Variants in CAMKV observed in about 807,000 individuals in gnomAD.
The protein encoded by CAMKV is CaM kinase like vesicle associated, also known as caM kinase-like vesicle-associated protein.
A neutral mutation model predicts 50.2 loss-of-function variants in CAMKV; 5 were observed. The observed-to-expected ratio is 0.10, with a 90% CI of 0.05 to 0.21. The LOEUF (loss-of-function observed/expected upper bound fraction) is 0.21. Ranked by LOEUF, CAMKV falls within the 10% of genes least tolerant of loss-of-function variation. The pLI, the probability that CAMKV is intolerant of heterozygous loss-of-function variation, is 1.00. For synonymous variants in CAMKV, 229 were observed against 250.1 expected (o/e 0.92, Z 0.80); for missense variants, 361 against 650.5 (o/e 0.55, Z 4.84).
In CAMKV at chr3:49,861,339, C is replaced by T. The variant is rs767311699; in HGVS notation, c.442-39G>A. On this transcript the variant is annotated intron_variant, in intron 5 of 10. Coordinates refer to ENST00000477224, the MANE Select transcript of CAMKV (RefSeq NM_024046.5). This position sits in a 1 kb window ranked among gnomAD's most constrained non-coding sequence, Gnocchi z 7.7. ...ATAGCATGTGGGTGAGCAGAAGACA[C>T]CATGAGGACCTTGGAGGCTAGACCA... 6 of 1,613,756 alleles carry T rather than the reference C, an allele frequency of 3.7e-6. No homozygotes were observed. In the African/African-American group the frequency reaches 4.0e-5, roughly 11 times the overall value.
rs779331047 is a variant in CAMKV at position 49,860,678 on chromosome 3, C to CTTGCG, written c.775+33_775+37dup. ...GAGAGCAGGACACCCTCCCCACTCC[C>CTTGCG]TTGCGTTCTACCAAGTGCTGGGCAG... On this transcript the variant is annotated intron_variant, in intron 8 of 10. Coordinates refer to ENST00000477224, the MANE Select transcript of CAMKV (RefSeq NM_024046.5). This position sits in a 1 kb window ranked among gnomAD's most constrained non-coding sequence, Gnocchi z 6.1. 13 of 1,613,348 alleles carry CTTGCG rather than the reference C, an allele frequency of 8.1e-6. No individual in the cohort carries two copies. The highest frequency in any genetic ancestry group is 2.7e-5 in the African/African-American group (2 of 74,906).
At position 49,869,010 on chromosome 3, in the gene CAMKV, G is replaced by T. The variant is rs895009180; in HGVS notation, c.-15+748C>A. Among the ~76,000 whole-genome samples, 1 of 152,212 alleles carries T rather than the reference G, an allele frequency of 6.6e-6. No homozygotes were observed. Among genetic ancestry groups the T allele is most frequent in the Non-Finnish European group, 1.5e-5 (1 of 68,034 alleles). ...GCTGGGGAAGGCAGAAGCTCATGCT[G>T]TCACTATCCCAGCCACCTCCAGCCA... On this transcript the variant is annotated intron_variant, in intron 1 of 10. Coordinates refer to ENST00000477224, the MANE Select transcript of CAMKV (RefSeq NM_024046.5). The surrounding 1 kb of genome is among the most constrained non-coding windows in gnomAD (Gnocchi z 5.2).
At position 49,862,070 on chromosome 3, in the gene CAMKV, T is replaced by C. The variant is rs1305797638; in HGVS notation, c.202A>G (p.Lys68Glu). ...ATCTTGAGGATGCCTATCTCGTTCTTGGCAGCTTTCCGCACCTTGCGGCCG... is the reference window on the plus strand; with the variant it reads ...ATCTTGAGGATGCCTATCTCGTTCTCGGCAGCTTTCCGCACCTTGCGGCCG... ...RDGRKVRKAA[K>E]NEIGILKMVK... The change falls in exon 3 of 11, where the codon AAG (lysine) becomes GAG (glutamate). Residue 68 changes from lysine (K) to glutamate (E), a missense_variant. Lys to Glu is a moderately conservative substitution (Grantham distance 56). This residue lies in a region of CAMKV where 172 missense variants were observed against 414.3 expected (regional missense o/e 0.42). Coordinates refer to ENST00000477224, the MANE Select transcript of CAMKV (RefSeq NM_024046.5). The surrounding 1 kb of genome is among the most constrained non-coding windows in gnomAD (Gnocchi z 5.2). 3 of 1,614,206 alleles carry C rather than the reference T, an allele frequency of 1.9e-6. No individual in the cohort carries two copies. The highest frequency in any genetic ancestry group is 2.2e-5 in the East Asian group (1 of 44,878).
At position 49,859,410 on chromosome 3, in the gene CAMKV, G is replaced by A. The variant is rs1429463958; in HGVS notation, c.1414C>T (p.Pro472Ser). The change falls in exon 11 of 11, where the codon CCA becomes TCA. Residue 472 changes from proline (P) to serine (S), a missense_variant. Around this residue, in one of 4 missense-constraint regions of CAMKV, gnomAD observed 75 missense variants for 84.2 expected, o/e 0.89. Coordinates refer to ENST00000477224, the MANE Select transcript of CAMKV (RefSeq NM_024046.5). The surrounding 1 kb of genome is among the most constrained non-coding windows in gnomAD (Gnocchi z 5.5). Reference sequence around the variant, plus strand: ...GGAGCCTGGCCTGTGGCGCCCTCTGGGGCTGTGCTGTCCGGCTGGGCCATA... The same window carrying A: ...GGAGCCTGGCCTGTGGCGCCCTCTGAGGCTGTGCTGTCCGGCTGGGCCATA... The part of the protein sequence containing the change: ...PAMAQPDSTA[P>S]EGATGQAPPS... 1.9e-6 allele frequency: 3 copies of A among 1,609,288 alleles called. No individual in the cohort carries two copies. Among genetic ancestry groups the A allele is most frequent in the Non-Finnish European group, 1.7e-6 (2 of 1,176,898 alleles).
rs1232153751 is a variant in CAMKV, at chr3:49,869,636, G to C, written c.-15+122C>G. The C allele has an allele frequency of 2.0e-5, 3 of 152,210 alleles. No homozygotes were observed. Among genetic ancestry groups the C allele is most frequent in the Non-Finnish European group, 4.4e-5 (3 of 68,146 alleles). The allele number at this position is 152,210 out of a possible 1,614,324, so 9.4% of individuals were successfully genotyped here. A position where few individuals can be genotyped will look rare whatever the true frequency, so the allele number is the denominator to read the frequency against. On this transcript the variant is annotated intron_variant, in intron 1 of 10. Coordinates refer to ENST00000477224, the MANE Select transcript of CAMKV (RefSeq NM_024046.5). This position sits in a 1 kb window ranked among gnomAD's most constrained non-coding sequence, Gnocchi z 5.2. Reference sequence around the variant, plus strand: ...AGCCCGCGCGCTCTGACCCCGCCAGGACCTCGAGCCCTCGCTGCGCCCCCG... The same window carrying C: ...AGCCCGCGCGCTCTGACCCCGCCAGCACCTCGAGCCCTCGCTGCGCCCCCG...
rs930178966 is a variant in CAMKV at position 49,869,374 on chromosome 3, T to C, written c.-15+384A>G. ...AACTCTCCGTTGTCATGGAAATTAG[T>C]GACTGCTAAGCGGGAGGGAAGGGGC... On this transcript the variant is annotated intron_variant, in intron 1 of 10. Coordinates refer to ENST00000477224, the MANE Select transcript of CAMKV (RefSeq NM_024046.5). The surrounding 1 kb of genome is among the most constrained non-coding windows in gnomAD (Gnocchi z 5.2). Among the ~76,000 whole-genome samples the C allele has an allele frequency of 1.3e-5, 2 of 151,888 alleles. No individual in the cohort carries two copies. Among genetic ancestry groups the C allele is most frequent in the African/African-American group, 4.8e-5 (2 of 41,350 alleles).
intron 1 of CAMKV, among the ~76,000 whole-genome samples, chr3:49,868,676 T>C (rs1003341242): frequency 1.3e-5 from 2 of 152,062 alleles, no homozygotes; most frequent in Non-Finnish European, 2.9e-5. Flanking sequence ...AGTTCCCCAG[T>C]TGAGGAAACT....
Position 49,859,436 on chromosome 3 carries a change from G to A in CAMKV, c.1388C>T (p.Ala463Val). 8 of 1,613,322 alleles carry A rather than the reference G, an allele frequency of 5.0e-6. No homozygotes were observed. The highest frequency in any genetic ancestry group is 6.8e-6 in the Non-Finnish European group (8 of 1,179,428). ...GGCTGTGCTGTCCGGCTGGGCCATA[G>A]CCGGCTCAGGGGTGGCAGCTGCCTT... ...ATKAAATPEP[A>V]MAQPDSTAPE... The change falls in exon 11 of 11, where the codon GCT (alanine) becomes GTT (valine). Residue 463 changes from alanine to valine, a missense_variant. Around this residue, in one of 4 missense-constraint regions of CAMKV, gnomAD observed 75 missense variants for 84.2 expected, o/e 0.89. Coordinates refer to ENST00000477224, the MANE Select transcript of CAMKV (RefSeq NM_024046.5). This position sits in a 1 kb window ranked among gnomAD's most constrained non-coding sequence, Gnocchi z 5.5.
rs200718388 is a variant in CAMKV, at chr3:49,862,100, G to A, written c.172C>T (p.Arg58Trp). The A allele has an allele frequency of 1.2e-6, 2 of 1,614,002 alleles. No individual in the cohort carries two copies. The highest frequency in any genetic ancestry group is 1.7e-5 in the Admixed American group (1 of 60,002). Residue 58 changes from arginine to tryptophan, a missense_variant, in exon 3 of 11, where the codon CGG (arginine) becomes TGG (tryptophan). By Grantham distance (101) the Arg-to-Trp change is moderately radical (BLOSUM62 -3). Around this residue, in one of 4 missense-constraint regions of CAMKV, gnomAD observed 172 missense variants for 414.3 expected, o/e 0.42. Coordinates refer to ENST00000477224, the MANE Select transcript of CAMKV (RefSeq NM_024046.5). This position sits in a 1 kb window ranked among gnomAD's most constrained non-coding sequence, Gnocchi z 5.2. The part of the protein sequence containing the change: ...KLHTCKKFQK[R>W]DGRKVRKAAK... ...GCTTTCCGCACCTTGCGGCCGTCCC[G>A]CTTCTGGAACTTCTTGCAGGTGTGC... is the stretch of plus-strand genomic sequence containing the variant.
chr3:49,858,095 A>G lies in CAMKV; in HGVS notation c.*1223T>C. On this transcript the variant is annotated 3_prime_UTR_variant, in exon 11 of 11. Coordinates refer to ENST00000477224, the MANE Select transcript of CAMKV (RefSeq NM_024046.5). ...ACAGGCATGCAGGGAGAAGGGCAGG[A>G]CCACCACGGAGTGCCGAGCAAGGGC... 1 of 396,098 alleles carries G rather than the reference A, an allele frequency of 2.5e-6. No homozygotes were observed. Among genetic ancestry groups the G allele is most frequent in the Non-Finnish European group, 4.4e-6 (1 of 224,890 alleles). The allele number at this position is 396,098 out of a possible 1,614,324, so 24.5% of individuals were successfully genotyped here.
chr3:49,860,620 G>A lies in CAMKV; in HGVS notation c.776-71C>T. The A allele has an allele frequency of 6.2e-7, 1 of 1,610,322 alleles. No individual in the cohort carries two copies. Among genetic ancestry groups the A allele is most frequent in the Non-Finnish European group, 8.5e-7 (1 of 1,176,804 alleles). ...AATGTCTAGAGGTGATAAATGGGCT[G>A]GGGGACAGAAGCAGAATACCACAGA... On this transcript the variant is annotated intron_variant, in intron 8 of 10. Coordinates refer to ENST00000477224, the MANE Select transcript of CAMKV (RefSeq NM_024046.5). This position sits in a 1 kb window ranked among gnomAD's most constrained non-coding sequence, Gnocchi z 6.1.
rs921509510 is a variant in CAMKV, at chr3:49,858,986, G to A, written c.*332C>T. Reference sequence around the variant, plus strand: ...GCCTAGGGGAATGGTGAGGCAAGAAGGGAAGGGGAAGGAGAGCAGGAGCCC... The same window carrying A: ...GCCTAGGGGAATGGTGAGGCAAGAAAGGAAGGGGAAGGAGAGCAGGAGCCC... On this transcript the variant is annotated 3_prime_UTR_variant, in exon 11 of 11. Coordinates refer to ENST00000477224, the MANE Select transcript of CAMKV (RefSeq NM_024046.5). The A allele has an allele frequency of 2.1e-5, 5 of 241,004 alleles. No individual in the cohort carries two copies. The highest frequency in any genetic ancestry group is 3.2e-5 in the Non-Finnish European group (4 of 123,520). 14.9% of individuals were successfully genotyped at this position (241,004 alleles called of 1,614,324 possible).
chr3:49,866,835 C>G (rs770073128), intron 1 of CAMKV, among the ~76,000 whole-genome samples: 1 of 152,248 alleles, frequency 6.6e-6, no homozygotes, highest in Admixed American at 6.5e-5. Context: ...CCAAGAGGTC[C>G]GGAGGCCCCA....
In CAMKV at chr3:49,861,521, C is replaced by T. The variant is rs1384999199; in HGVS notation, c.359G>A (p.Arg120Gln). ...TTGCCGTACCACGTTGCTTGTGTCT[C>T]GCTCCGAGTAGTAGCCCTGGTCCAG... ...WILDQGYYSE[R>Q]DTSNVVRQVL... Residue 120 changes from arginine to glutamine, a missense_variant, in exon 5 of 11, where the codon CGA (arginine) becomes CAA (glutamine). Around this residue, in one of 4 missense-constraint regions of CAMKV, gnomAD observed 172 missense variants for 414.3 expected, o/e 0.42. Transcript: ENST00000477224. The surrounding 1 kb of genome is among the most constrained non-coding windows in gnomAD (Gnocchi z 7.7). 13 of 1,614,084 alleles carry T rather than the reference C, an allele frequency of 8.1e-6. No individual in the cohort carries two copies. Among genetic ancestry groups the T allele is most frequent in the Admixed American group, 3.3e-5 (2 of 60,004 alleles).
In CAMKV at chr3:49,861,146, T is replaced by G; in HGVS notation, c.562+34A>C. On this transcript the variant is annotated intron_variant, in intron 6 of 10. Transcript: ENST00000477224. The surrounding 1 kb of genome is among the most constrained non-coding windows in gnomAD (Gnocchi z 7.7). ...GCAGCTCCCTGAAGGCTGCCCCCCA[T>G]TATCCCCCTGCCCCTGCCCCACCCC... 1 of 1,571,892 alleles carries G rather than the reference T, an allele frequency of 6.4e-7. No individual in the cohort carries two copies. The highest frequency in any genetic ancestry group is 1.3e-5 in the African/African-American group (1 of 74,124).
chr3:49,865,755 G>A (rs1232574138), intron 1 of CAMKV, among the ~76,000 whole-genome samples: 2 of 152,292 alleles, frequency 1.3e-5, no homozygotes, highest in East Asian at 1.9e-4. Flanking sequence ...CCTGATGCTC[G>A]AAGGCCAGAC....
At chr3:49,868,321 TA>T (rs1310397287) in intron 1 of CAMKV, among the ~76,000 whole-genome samples, 1 of 152,092 alleles carries the variant, frequency 6.6e-6, no homozygotes, top group African/African-American at 2.4e-5. Context: ...GAGCCCCTCT[TA>T]CAGCTCTGCT....
chr3:49,861,601 C>T lies in CAMKV; in HGVS notation c.303-24G>A. On this transcript the variant is annotated intron_variant, in intron 4 of 10. Coordinates refer to ENST00000477224, the MANE Select transcript of CAMKV (RefSeq NM_024046.5). The surrounding 1 kb of genome is among the most constrained non-coding windows in gnomAD (Gnocchi z 7.7). ...CCCTGAGGGACACCAGCCCCTGAGC[C>T]TGGCGTGGGCAGAATCAGGGGTAGG... 1 of 1,613,924 alleles carries T rather than the reference C, an allele frequency of 6.2e-7. No homozygotes were observed.
At chr3:49,865,680 T>C (rs2082058655) in intron 1 of CAMKV, among the ~76,000 whole-genome samples, 1 of 152,122 alleles carries the variant, frequency 6.6e-6, no homozygotes, top group African/African-American at 2.4e-5. Context: ...CAGAACTGAA[T>C]CTCTTCTTTC....
Sources: gnomAD v4.1 joint callset for allele counts (sites outside exome capture counted in the v4.1 genomes callset) on GRCh38, gnomAD v4.1.1 for gene constraint, gnomAD v4.1.1 regional missense constraint, Gnocchi (gnomAD v3.1) non-coding constraint, MANE v1.5 for transcripts, NCBI Gene and HGNC (gene_info 2026-07-23, HGNC 2026-07-21) for gene names.